PKD2L1: variants seen among roughly 807,000 people sequenced by gnomAD.
The protein encoded by PKD2L1 is polycystin 2 like 1, transient receptor potential cation channel, also known as polycystin-2-like protein 1.
A neutral mutation model predicts 93.0 loss-of-function variants in PKD2L1; 77 were observed. That is an observed-to-expected ratio of 0.83 (90% confidence interval 0.69 to 1.00). The LOEUF (loss-of-function observed/expected upper bound fraction) is 1.00, where lower values mean the gene tolerates loss of function less well. Among genes scored for constraint, PKD2L1 ranks in the 50% least tolerant of loss-of-function variants. The pLI is 0.00. For synonymous variants in PKD2L1, 390 were observed against 388.0 expected (o/e 1.01, Z -0.06); for missense variants, 977 against 990.9 (o/e 0.99, Z 0.19).
intron 2 of PKD2L1, among the ~76,000 whole-genome samples, chr10:100,315,663 T>C (rs925843763): frequency 6.6e-6 from 1 of 152,218 alleles, no homozygotes; most frequent in Non-Finnish European, 1.5e-5. Flanking sequence ...CTGATTTTCT[T>C]TGTAGGGGAA....
chr10:100,311,877 C>T (rs775978459), intron 2 of PKD2L1, among the ~76,000 whole-genome samples: 11 of 152,108 alleles, frequency 7.2e-5, no homozygotes, highest in Non-Finnish European at 1.6e-4. Flanking sequence ...TTTTTTGACA[C>T]TCAAAAGTCA....
chr10:100,289,545 A>G (rs943861172), intron 14 of PKD2L1, among the ~76,000 whole-genome samples: 2 of 152,058 alleles, frequency 1.3e-5, no homozygotes, highest in Non-Finnish European at 1.5e-5. Context: ...ATCTCAAATA[A>G]TAATAATAAT....
intron 2 of PKD2L1, among the ~76,000 whole-genome samples, chr10:100,322,962 G>C (rs1351056486): frequency 1.3e-5 from 2 of 152,166 alleles, no homozygotes; most frequent in African/African-American, 4.8e-5. Flanking sequence ...GGAGTGATAG[G>C]CAGAACCAAT....
At position 100,294,434 on chromosome 10, in the gene PKD2L1, C is replaced by G. The variant is rs1038612291; in HGVS notation, c.1659+101G>C. 6.9e-6 allele frequency: 9 copies of G among 1,312,564 alleles called. No individual in the cohort carries two copies. In the East Asian group the frequency reaches 2.1e-4, roughly 30 times the overall value. The allele number at this position is 1,312,564 out of a possible 1,614,324, so 81.3% of individuals were successfully genotyped here. A position where few individuals can be genotyped will look rare whatever the true frequency, so the allele number is the denominator to read the frequency against. ...TCGGCCCCCCCACTCACTCTCCATCCTTGATTTGAGAAACTTATCAATCCT... is the reference window on the plus strand; with the variant it reads ...TCGGCCCCCCCACTCACTCTCCATCGTTGATTTGAGAAACTTATCAATCCT... On this transcript the variant is annotated intron_variant, in intron 9 of 15. Transcript: ENST00000318222.
chr10:100,315,105 GGAAGGGAAGGGAAGAGAAAACA>G, intron 2 of PKD2L1, among the ~76,000 whole-genome samples: 1 of 134,256 alleles, frequency 7.4e-6, no homozygotes, highest in Non-Finnish European at 1.6e-5. Context: ...GGAAGGGAAG[GGAAGGGAAGGGAAGAGAAAACA>G]GTTGAAATGA....
intron 2 of PKD2L1, among the ~76,000 whole-genome samples, chr10:100,320,710 A>C (rs1849207621): frequency 6.6e-6 from 1 of 152,242 alleles, no homozygotes; most frequent in Non-Finnish European, 1.5e-5. Flanking sequence ...AATTAATGTG[A>C]GTTGTACCAT....
At chr10:100,307,942 A>C (rs6584360) in intron 2 of PKD2L1, among the ~76,000 whole-genome samples, 7,968 of 152,246 alleles carry the variant, frequency 0.052, 666 homozygotes, top group African/African-American at 0.18. Context: ...GGAATGAGTC[A>C]GGATTTGACT....
At chr10:100,328,572 A>G (rs917056372) in intron 2 of PKD2L1, among the ~76,000 whole-genome samples, 46 of 146,874 alleles carry the variant, frequency 3.1e-4, no homozygotes, top group African/African-American at 1.1e-3. Flanking sequence ...TTCCAAACAG[A>G]AGGGAGTGGT....
chr10:100,293,209 A>G, intron 10 of PKD2L1, 72 bp downstream of exon 10: 1 of 1,519,134 alleles, frequency 6.6e-7, no homozygotes, highest in Non-Finnish European at 9.1e-7. Flanking sequence ...TCAGTCAGGA[A>G]CAGACCAGGA....
intron 2 of PKD2L1, among the ~76,000 whole-genome samples, chr10:100,325,832 T>C (rs1849366585): frequency 6.6e-6 from 1 of 152,206 alleles, no homozygotes; most frequent in South Asian, 2.1e-4. Flanking sequence ...GCTAAGCATA[T>C]TAGTGAGCTA....
chr10:100,329,870 T>A lies in PKD2L1; in HGVS notation c.234A>T (p.Arg78Ser), dbSNP rs754899356. The A allele has an allele frequency of 6.3e-7, 1 of 1,590,452 alleles. No individual in the cohort carries two copies. Among genetic ancestry groups the A allele is most frequent in the East Asian group, 2.2e-5 (1 of 44,648 alleles). Residue 78 changes from arginine (R) to serine (S), a missense_variant and splice_region_variant, in exon 1 of 16, where the codon AGA (arginine) becomes AGT (serine). Coordinates refer to ENST00000318222, the MANE Select transcript of PKD2L1 (RefSeq NM_016112.3). ...SCCLHICQGI[R>S]GLWGTTLTEN... ...GAGAACTGTCCCCCTATCTGGTACCTCTGATGCCTTGACAGATATGGAGGC... is the reference window on the plus strand; with the variant it reads ...GAGAACTGTCCCCCTATCTGGTACCACTGATGCCTTGACAGATATGGAGGC...
rs748664263 is a variant in PKD2L1, at chr10:100,291,310, C to T, written c.1998G>A (p.Glu666=). 3.8e-5 allele frequency: 61 copies of T among 1,613,652 alleles called. No homozygotes were observed. The highest frequency in any genetic ancestry group is 1.3e-4 in the South Asian group (12 of 91,046). Residue 666 remains glutamate (E), a synonymous_variant, in exon 12 of 16, where the codon GAG becomes GAA. Transcript: ENST00000318222. ...KEQEKMRQDL[E]EERVALNTEI... ...CATCAGCCCAGCTCACCCTCTCTTC[C>T]TCCAGGTCCTGTCGCATTTTTTCCT...
intron 2 of PKD2L1, among the ~76,000 whole-genome samples, chr10:100,300,801 C>T (rs939557250): frequency 2.0e-4 from 30 of 152,046 alleles, no homozygotes; most frequent in African/African-American, 6.8e-4. Context: ...TGGGGAGACC[C>T]CTTTCAAACT....
intron 2 of PKD2L1, among the ~76,000 whole-genome samples, chr10:100,327,263 A>G (rs1373667587): frequency 6.6e-6 from 1 of 152,204 alleles, no homozygotes; most frequent in Non-Finnish European, 1.5e-5. Flanking sequence ...CACCATGGGA[A>G]GGATCACAGA....
At position 100,295,916 on chromosome 10, in the gene PKD2L1, G is replaced by A. The variant is rs577420674; in HGVS notation, c.1356+206C>T. ...CCAGGCGTGGTGGTGGGTGCCTGTA[G>A]TCCCAGCTACTCAGGAGGCTGAGGC... On this transcript the variant is annotated intron_variant, in intron 7 of 15. Transcript: ENST00000318222. Among the ~76,000 whole-genome samples the A allele has an allele frequency of 1.3e-4, 19 of 144,220 alleles. 1 individual carries two copies. The East Asian group carries it at 2.1e-3, about 16-fold the overall frequency. 94.6% of individuals were successfully genotyped at this position (144,220 alleles called of 152,430 possible).
intron 2 of PKD2L1, among the ~76,000 whole-genome samples, chr10:100,313,081 G>A (rs1002776382): frequency 6.6e-5 from 10 of 152,138 alleles, no homozygotes; most frequent in South Asian, 2.1e-4. Context: ...ATGAGGCAGC[G>A]GTGATTCCAC....
At chr10:100,311,178 C>T (rs989367385) in intron 2 of PKD2L1, among the ~76,000 whole-genome samples, 1 of 152,160 alleles carries the variant, frequency 6.6e-6, no homozygotes, top group Non-Finnish European at 1.5e-5. Flanking sequence ...AACTATGAAA[C>T]CTATTTGAGT....
At chr10:100,297,307 G>A (rs1752117637) in intron 5 of PKD2L1, 75 bp downstream of exon 5, 15 of 1,544,484 alleles carry the variant, frequency 9.7e-6, no homozygotes, top group Non-Finnish European at 1.1e-5. Flanking sequence ...TAGGAGTTTA[G>A]GGAAGGGTCT....
chr10:100,325,965 C>G (rs973963546), intron 2 of PKD2L1, among the ~76,000 whole-genome samples: 11 of 152,178 alleles, frequency 7.2e-5, no homozygotes, highest in African/African-American at 2.7e-4. Flanking sequence ...GACCTTGAAC[C>G]CACATAGTCG....
Sources: gnomAD v4.1 joint callset for allele counts (sites outside exome capture counted in the v4.1 genomes callset) on GRCh38, gnomAD v4.1.1 for gene constraint, MANE v1.5 for transcripts, NCBI Gene and HGNC (gene_info 2026-07-23, HGNC 2026-07-21) for gene names.